The following ATXN7L1 variants were observed in gnomAD, a reference collection of about 807,000 sequenced individuals.
ATXN7L1 encodes ataxin 7 like 1.
A neutral mutation model predicts 70.8 loss-of-function variants in ATXN7L1; 15 were observed. That is an observed-to-expected ratio of 0.21 (90% confidence interval 0.14 to 0.33). The LOEUF is 0.33. ATXN7L1 is among the 10% of genes least tolerant of loss of function. ATXN7L1 has a pLI of 1.00. For synonymous variants in ATXN7L1, 440 were observed against 445.1 expected (o/e 0.99, Z 0.14); for missense variants, 975 against 1,097.1 (o/e 0.89, Z 1.57).
chr7:105,734,800 AAT>A (rs1297588023), intron 3 of ATXN7L1, among the ~76,000 whole-genome samples: 2 of 74,832 alleles, frequency 2.7e-5, no homozygotes, highest in Admixed American at 2.9e-4. Flanking sequence ...AATCAAAGTG[AAT>A]AGAGAGAGAG....
chr7:105,682,399 C>T (rs1805660025), intron 3 of ATXN7L1, among the ~76,000 whole-genome samples: 1 of 152,084 alleles, frequency 6.6e-6, no homozygotes, highest in African/African-American at 2.4e-5. Context: ...TATAGAATTA[C>T]CATATGGACC....
intron 3 of ATXN7L1, among the ~76,000 whole-genome samples, chr7:105,775,750 G>C (rs996024089): frequency 1.3e-5 from 2 of 152,216 alleles, no homozygotes; most frequent in Non-Finnish European, 2.9e-5. Context: ...GGGTGAGCTA[G>C]TGTCTAGGCC....
intron 2 of ATXN7L1, among the ~76,000 whole-genome samples, chr7:105,853,044 T>C (rs1419880157): frequency 6.6e-6 from 1 of 151,946 alleles, no homozygotes; most frequent in African/African-American, 2.4e-5. Context: ...ATAGAGAACG[T>C]AGAACAGGTA....
chr7:105,694,474 G>A (rs1290451744), intron 3 of ATXN7L1, among the ~76,000 whole-genome samples: 4 of 152,176 alleles, frequency 2.6e-5, no homozygotes, highest in Non-Finnish European at 5.9e-5. Flanking sequence ...GATCCTGTGA[G>A]GTGGGAAGGG....
In ATXN7L1 at chr7:105,649,420, G is replaced by C. The variant is rs181502766; in HGVS notation, c.579-6299C>G. ...GGCGATATCTACCTCTGTTTCTTTT[G>C]TGCTGCTTTAGTTGCCCACGTCTTC... is the stretch of plus-strand genomic sequence containing the variant. On this transcript the variant is annotated intron_variant, in intron 4 of 11. Transcript: ENST00000419735. 137 of 987,622 alleles carry C rather than the reference G, an allele frequency of 1.4e-4. 1 individual carries two copies. The African/African-American group carries it at 2.3e-3, about 16-fold the overall frequency. The allele number at this position is 987,622 out of a possible 1,614,324, so 61.2% of individuals were successfully genotyped here.
intron 3 of ATXN7L1, among the ~76,000 whole-genome samples, chr7:105,687,201 G>A (rs542155322): frequency 3.9e-5 from 6 of 152,294 alleles, no homozygotes; most frequent in East Asian, 1.9e-4. Context: ...TGATGCATGA[G>A]GGGAATAAAC....
At chr7:105,830,392 G>A (rs1167369415) in intron 2 of ATXN7L1, among the ~76,000 whole-genome samples, 1 of 152,280 alleles carries the variant, frequency 6.6e-6, no homozygotes, top group East Asian at 1.9e-4. Flanking sequence ...CCATACCTGT[G>A]ACTAGAAGAG....
intron 2 of ATXN7L1, among the ~76,000 whole-genome samples, chr7:105,867,311 G>A (rs1461648920): frequency 6.6e-6 from 1 of 152,176 alleles, no homozygotes; most frequent in Non-Finnish European, 1.5e-5. Context: ...TGCAGAGAAC[G>A]CCAGTTGTAT....
At chr7:105,757,678 C>A (rs1799978155) in intron 3 of ATXN7L1, among the ~76,000 whole-genome samples, 1 of 150,702 alleles carries the variant, frequency 6.6e-6, no homozygotes, top group Non-Finnish European at 1.5e-5. Context: ...CTCCGGGGCC[C>A]AAGGAGCGAT....
intron 3 of ATXN7L1, among the ~76,000 whole-genome samples, chr7:105,726,394 G>A (rs949094636): frequency 5.3e-5 from 8 of 152,110 alleles, no homozygotes; most frequent in African/African-American, 1.9e-4. Context: ...CCATCCCTCA[G>A]GCAGCACAGA....
intron 2 of ATXN7L1, among the ~76,000 whole-genome samples, chr7:105,800,201 T>C (rs1168896123): frequency 1.3e-5 from 2 of 152,182 alleles, no homozygotes; most frequent in Non-Finnish European, 2.9e-5. Context: ...AAACTAGTTA[T>C]GGGCCAAAGA....
intron 3 of ATXN7L1, among the ~76,000 whole-genome samples, chr7:105,665,861 C>T (rs1303045277): frequency 2.0e-5 from 3 of 152,224 alleles, no homozygotes; most frequent in Non-Finnish European, 4.4e-5. Flanking sequence ...ATGGCCTCCT[C>T]AGGGTCCACA....
intron 3 of ATXN7L1, among the ~76,000 whole-genome samples, chr7:105,712,207 CA>C (rs1794015981): frequency 6.6e-6 from 1 of 152,238 alleles, no homozygotes; most frequent in South Asian, 2.1e-4. Context: ...GCCTGGCCCA[CA>C]AAACCATTTT....
At chr7:105,816,442 G>A (rs1809205901) in intron 2 of ATXN7L1, among the ~76,000 whole-genome samples, 1 of 152,172 alleles carries the variant, frequency 6.6e-6, no homozygotes, top group African/African-American at 2.4e-5. Context: ...AAAATGAGAG[G>A]TTAGGGTGGA....
At chr7:105,750,001 C>T (rs1311155391) in intron 3 of ATXN7L1, among the ~76,000 whole-genome samples, 1 of 151,850 alleles carries the variant, frequency 6.6e-6, no homozygotes, top group Non-Finnish European at 1.5e-5. Flanking sequence ...CTTAATTTGC[C>T]TTTAACAGCT....
At chr7:105,727,977 G>T (rs980738323) in intron 3 of ATXN7L1, among the ~76,000 whole-genome samples, 1 of 151,266 alleles carries the variant, frequency 6.6e-6, no homozygotes, top group African/African-American at 2.4e-5. Flanking sequence ...TTGTAATAAT[G>T]TATTACTTGT....
chr7:105,639,047 C>T (rs1409407158), intron 6 of ATXN7L1, among the ~76,000 whole-genome samples: 1 of 152,104 alleles, frequency 6.6e-6, no homozygotes, highest in East Asian at 1.9e-4. Flanking sequence ...GACCCAATGG[C>T]GGCCGCCTTG....
intron 4 of ATXN7L1, among the ~76,000 whole-genome samples, chr7:105,646,384 G>T (rs917486053): frequency 6.6e-6 from 1 of 152,042 alleles, no homozygotes; most frequent in African/African-American, 2.4e-5. Context: ...GATTTTGGGG[G>T]GCCAGGGTGA....
intron 7 of ATXN7L1, among the ~76,000 whole-genome samples, chr7:105,636,447 G>C (rs1217877493): frequency 1.4e-5 from 2 of 139,468 alleles, no homozygotes; most frequent in South Asian, 2.2e-4. Context: ...GTGTTCCTCT[G>C]CCCCCCCCAC....
Sources: allele counts gnomAD v4.1 joint callset (sites outside exome capture counted in the v4.1 genomes callset), GRCh38; gene constraint gnomAD v4.1.1; transcripts MANE v1.5; gene names NCBI Gene and HGNC (gene_info 2026-07-23, HGNC 2026-07-21).